SLC27A2: variants seen among roughly 807,000 people sequenced by gnomAD.
The protein encoded by SLC27A2 is long-chain fatty acid transport protein 2.
Under a neutral mutation model 60.0 loss-of-function variants are expected in SLC27A2, and 54 were observed. The ratio of observed to expected loss-of-function variants is 0.90; its 90% confidence interval spans 0.72 to 1.13. The LOEUF (loss-of-function observed/expected upper bound fraction) is 1.13. SLC27A2 is among the 50% of genes most tolerant of loss of function. The pLI, the probability that SLC27A2 is intolerant of heterozygous loss-of-function variation, is 0.00. For missense variants in SLC27A2, 739 were observed against 777.6 expected (o/e 0.95, Z 0.59); for synonymous variants, 297 against 297.6 (o/e 1.00, Z 0.02).
chr15:50,204,732 C>CA (rs573394987), intron 3 of SLC27A2, among the ~76,000 whole-genome samples: 1 of 139,614 alleles, frequency 7.2e-6, no homozygotes, highest in Non-Finnish European at 1.5e-5. Context: ...GACTCTGTCT[C>CA]AAAAAAAGAA....
At chr15:50,216,890 T>C (rs1428727998) in intron 4 of SLC27A2, among the ~76,000 whole-genome samples, 2 of 147,064 alleles carry the variant, frequency 1.4e-5, no homozygotes, top group Non-Finnish European at 3.0e-5. Flanking sequence ...AAAATATATA[T>C]ATTCCAAAAA....
At chr15:50,223,798 C>A (rs1567436672) in intron 5 of SLC27A2, among the ~76,000 whole-genome samples, 1 of 152,202 alleles carries the variant, frequency 6.6e-6, no homozygotes, top group Non-Finnish European at 1.5e-5. Context: ...CTGCAAATAT[C>A]CAGAAATGTT....
intron 4 of SLC27A2, among the ~76,000 whole-genome samples, chr15:50,219,378 T>C (rs941387414): frequency 1.3e-5 from 2 of 152,196 alleles, no homozygotes; most frequent in Admixed American, 1.3e-4. Flanking sequence ...TCAGGACTAT[T>C]TGTTTCTTAT....
intron 5 of SLC27A2, among the ~76,000 whole-genome samples, chr15:50,224,267 C>T (rs578179789): frequency 6.6e-6 from 1 of 152,100 alleles, no homozygotes; most frequent in South Asian, 2.1e-4. Flanking sequence ...GGTGAAACCC[C>T]GTCTCTACTA....
intron 4 of SLC27A2, among the ~76,000 whole-genome samples, chr15:50,215,619 G>T (rs979605384): frequency 2.0e-5 from 3 of 152,110 alleles, no homozygotes; most frequent in African/African-American, 7.2e-5. Flanking sequence ...AAACAGGCAT[G>T]TAGACCATTG....
chr15:50,212,901 AAAC>A (rs1416270116), intron 4 of SLC27A2, among the ~76,000 whole-genome samples: 1 of 152,180 alleles, frequency 6.6e-6, no homozygotes, highest in Non-Finnish European at 1.5e-5. Flanking sequence ...AACAACAAAA[AAAC>A]AAAAGTTCAC....
Position 50,231,954 on chromosome 15 carries a change from G to A in SLC27A2, c.1556-1914G>A, listed in dbSNP as rs549640543. ...CACCAACTAGGGCATGTAAAGAGAG[G>A]CTGGATGTCCACCTGGGATCCTGGG... is the stretch of plus-strand genomic sequence containing the variant. On this transcript the variant is annotated intron_variant, in intron 8 of 9. Coordinates refer to ENST00000267842, the MANE Select transcript of SLC27A2 (RefSeq NM_003645.4). 2.1e-4 allele frequency among the ~76,000 whole-genome samples: 32 copies of A among 152,320 alleles called. 2 individuals are homozygous for A. In the South Asian group the frequency reaches 4.4e-3, roughly 21 times the overall value.
chr15:50,234,263 T>C (rs2045335437), intron 9 of SLC27A2, among the ~76,000 whole-genome samples: 1 of 152,032 alleles, frequency 6.6e-6, no homozygotes, highest in South Asian at 2.1e-4. Context: ...CTAGGCAACG[T>C]AGTGAGACTT....
chr15:50,196,560 ACTT>A, intron 1 of SLC27A2, among the ~76,000 whole-genome samples: 1 of 152,294 alleles, frequency 6.6e-6, no homozygotes, highest in South Asian at 2.1e-4. Flanking sequence ...GAGGTTAAGA[ACTT>A]CTCAAGATAA....
At chr15:50,204,197 G>A (rs939315712) in intron 3 of SLC27A2, among the ~76,000 whole-genome samples, 3 of 152,188 alleles carry the variant, frequency 2.0e-5, no homozygotes, top group Non-Finnish European at 4.4e-5. Context: ...AGGCACAGTG[G>A]CTTATGCCTG....
intron 4 of SLC27A2, among the ~76,000 whole-genome samples, chr15:50,208,598 A>G (rs2045131531): frequency 6.6e-6 from 1 of 152,214 alleles, no homozygotes. Flanking sequence ...TGTAGCTCAT[A>G]ATAAGTACCC....
intron 3 of SLC27A2, among the ~76,000 whole-genome samples, chr15:50,204,943 G>C (rs1330173075): frequency 6.8e-6 from 1 of 147,486 alleles, no homozygotes; most frequent in African/African-American, 2.5e-5. Flanking sequence ...TATATTGCAT[G>C]AAATCTCTTT....
intron 4 of SLC27A2, among the ~76,000 whole-genome samples, chr15:50,214,421 A>G (rs1212671704): frequency 6.6e-6 from 1 of 152,164 alleles, no homozygotes; most frequent in Non-Finnish European, 1.5e-5. Context: ...TTCTTTTGAC[A>G]CTATTCCACA....
At chr15:50,192,296 C>T (rs1177352201) in intron 1 of SLC27A2, among the ~76,000 whole-genome samples, 4 of 152,118 alleles carry the variant, frequency 2.6e-5, no homozygotes, top group Non-Finnish European at 4.4e-5. Context: ...AACAAATCTA[C>T]ACCAACAGCC....
chr15:50,192,064 A>G (rs2044978708), intron 1 of SLC27A2, among the ~76,000 whole-genome samples: 1 of 152,056 alleles, frequency 6.6e-6, no homozygotes, highest in South Asian at 2.1e-4. Context: ...CATCTCAAAA[A>G]AAAAAAAAAG....
intron 4 of SLC27A2, among the ~76,000 whole-genome samples, chr15:50,221,682 A>G (rs2045243318): frequency 1.3e-5 from 2 of 152,236 alleles, no homozygotes; most frequent in African/African-American, 4.8e-5. Context: ...GTTTTATCAA[A>G]GAAATTAACA....
At position 50,227,194 on chromosome 15, in the gene SLC27A2, T is replaced by A; in HGVS notation, c.1457+16T>A. ...ATACATTCCGGTTGGTTTTTCTGAATCATTGAGCCAAAAACAAACACACGC... is the reference window on the plus strand; with the variant it reads ...ATACATTCCGGTTGGTTTTTCTGAAACATTGAGCCAAAAACAAACACACGC... On this transcript the variant is annotated intron_variant, in intron 7 of 9. Transcript: ENST00000267842. 1 of 1,605,250 alleles carries A rather than the reference T, an allele frequency of 6.2e-7. No homozygotes were observed. The highest frequency in any genetic ancestry group is 8.5e-7 in the Non-Finnish European group (1 of 1,172,758).
At chr15:50,214,136 C>G (rs2045178526) in intron 4 of SLC27A2, among the ~76,000 whole-genome samples, 1 of 152,048 alleles carries the variant, frequency 6.6e-6, no homozygotes, top group Admixed American at 6.6e-5. Flanking sequence ...GATATTACAA[C>G]TAACACCACT....
intron 1 of SLC27A2, among the ~76,000 whole-genome samples, chr15:50,196,249 G>A (rs1381822855): frequency 6.7e-6 from 1 of 150,132 alleles, no homozygotes; most frequent in East Asian, 2.0e-4. Context: ...TATTAAATCG[G>A]TGCCTTTAAC....
Sources: allele counts gnomAD v4.1 joint callset (sites outside exome capture counted in the v4.1 genomes callset), GRCh38; gene constraint gnomAD v4.1.1; transcripts MANE v1.5; gene names NCBI Gene and HGNC (gene_info 2026-07-23, HGNC 2026-07-21).